MAST4: variants seen among roughly 807,000 people sequenced by gnomAD.
The protein encoded by MAST4 is microtubule associated serine/threonine kinase family member 4, also known as microtubule-associated serine/threonine-protein kinase 4.
A neutral mutation model predicts 162.7 loss-of-function variants in MAST4; 89 were observed. That is an observed-to-expected ratio of 0.55 (90% CI 0.46 to 0.65). MAST4 has a LOEUF of 0.65. Ranked by LOEUF, MAST4 falls within the 30% of genes least tolerant of loss-of-function variation. The pLI is 0.00. For missense variants in MAST4, 3,153 were observed against 3,374.0 expected (o/e 0.93, Z 1.62); for synonymous variants, 1,479 against 1,361.1 (o/e 1.09, Z -1.91).
At chr5:66,882,738 C>T (rs1325385041) in intron 3 of MAST4, among the ~76,000 whole-genome samples, 1 of 152,080 alleles carries the variant, frequency 6.6e-6, no homozygotes, top group Non-Finnish European at 1.5e-5. Context: ...CTTCTCTTGG[C>T]CATGGGTCAT....
chr5:66,914,240 A>G (rs943883317), intron 4 of MAST4, among the ~76,000 whole-genome samples: 3 of 152,238 alleles, frequency 2.0e-5, no homozygotes, highest in Non-Finnish European at 4.4e-5. Flanking sequence ...CTGAAATTCT[A>G]GTCTAAGAGA....
At chr5:66,654,197 G>A (rs78120411) in intron 1 of MAST4, among the ~76,000 whole-genome samples, 2,781 of 152,284 alleles carry the variant, frequency 0.018, 84 homozygotes, top group African/African-American at 0.062. Context: ...CTCCTCTGAG[G>A]AGTAATGTTT....
In MAST4 at chr5:67,104,361, T is replaced by TA. The variant is rs775155717; in HGVS notation, c.1147-4dup. 12 of 1,607,476 alleles carry TA rather than the reference T, an allele frequency of 7.5e-6. No homozygotes were observed. The African/African-American group carries it at 9.4e-5, about 13-fold the overall frequency. ...CATCTGTGTATGTGTGTCTTCTCTATATAGGCTACAGCTCAGATGGAAGAA... is the reference window on the plus strand; with the variant it reads ...CATCTGTGTATGTGTGTCTTCTCTATAATAGGCTACAGCTCAGATGGAAGAA... On this transcript the variant is annotated splice_polypyrimidine_tract_variant and splice_region_variant and intron_variant, in intron 9 of 28. Coordinates refer to ENST00000403625, the MANE Select transcript of MAST4 (RefSeq NM_001164664.2).
At chr5:66,694,569 C>G (rs1749272240) in intron 1 of MAST4, among the ~76,000 whole-genome samples, 1 of 152,126 alleles carries the variant, frequency 6.6e-6, no homozygotes, top group Non-Finnish European at 1.5e-5. Flanking sequence ...TCACTGCAAC[C>G]TCTACCTCCC....
chr5:66,936,765 AC>A (rs1417611882), intron 4 of MAST4, among the ~76,000 whole-genome samples: 2 of 152,232 alleles, frequency 1.3e-5, no homozygotes, highest in Admixed American at 6.5e-5. Context: ...TTGTAAATGC[AC>A]CTTAAACAAT....
At chr5:66,719,421 A>G (rs1751058570) in intron 1 of MAST4, among the ~76,000 whole-genome samples, 1 of 152,162 alleles carries the variant, frequency 6.6e-6, no homozygotes, top group African/African-American at 2.4e-5. Context: ...CTATTTGTAA[A>G]CTATCAGCTG....
chr5:66,953,401 A>AAT (rs903046663), intron 4 of MAST4, among the ~76,000 whole-genome samples: 10 of 152,252 alleles, frequency 6.6e-5, no homozygotes, highest in African/African-American at 2.4e-4. Context: ...CAGCCTATTT[A>AAT]ACTGTGCCCT....
At chr5:66,959,914 T>C (rs1745802970) in intron 4 of MAST4, among the ~76,000 whole-genome samples, 1 of 152,176 alleles carries the variant, frequency 6.6e-6, no homozygotes, top group South Asian at 2.1e-4. Flanking sequence ...GTGATGTAGC[T>C]ACATGAACAT....
intron 2 of MAST4, among the ~76,000 whole-genome samples, chr5:66,776,116 T>A (rs1486560444): frequency 6.6e-6 from 1 of 152,202 alleles, no homozygotes; most frequent in African/African-American, 2.4e-5. Context: ...TGTTAGGAAA[T>A]TTAGACTTGT....
At chr5:66,609,392 CT>C (rs373893029) in intron 1 of MAST4, among the ~76,000 whole-genome samples, 123 of 128,588 alleles carry the variant, frequency 9.6e-4, no homozygotes, top group African/African-American at 1.7e-3. Context: ...CAATGCACTA[CT>C]TTTTTTTTTT....
intron 1 of MAST4, among the ~76,000 whole-genome samples, chr5:66,623,822 T>C (rs1306957568): frequency 6.6e-6 from 1 of 152,192 alleles, no homozygotes; most frequent in African/African-American, 2.4e-5. Flanking sequence ...AGAGGCAAAA[T>C]TATCTGTTTG....
At chr5:66,819,539 G>A (rs1282426968) in intron 3 of MAST4, among the ~76,000 whole-genome samples, 1 of 152,148 alleles carries the variant, frequency 6.6e-6, no homozygotes, top group Non-Finnish European at 1.5e-5. Context: ...AAAGACACAG[G>A]TGTAAGAAAG....
chr5:67,070,037 G>A (rs768447752), intron 5 of MAST4, among the ~76,000 whole-genome samples: 13 of 151,888 alleles, frequency 8.6e-5, no homozygotes, highest in Admixed American at 7.2e-4. Flanking sequence ...TTCCTTGTGG[G>A]ATCAGTAATT....
Position 66,965,470 on chromosome 5 carries a change from T to G in MAST4, c.674+65488T>G, listed in dbSNP as rs527652503. On this transcript the variant is annotated intron_variant, in intron 4 of 28. Coordinates refer to ENST00000403625, the MANE Select transcript of MAST4 (RefSeq NM_001164664.2). ...AAAATTAGATTCAGTGCTAAGGTAG[T>G]GCAGAGGAGGATGAGGTTCTGAAGA... is the stretch of plus-strand genomic sequence containing the variant. 2.4e-4 allele frequency among the ~76,000 whole-genome samples: 36 copies of G among 151,474 alleles called. 2 individuals carry two copies. The South Asian group carries it at 7.3e-3, about 31-fold the overall frequency.
At chr5:66,714,156 A>C (rs4282272) in intron 1 of MAST4, among the ~76,000 whole-genome samples, 2 of 152,048 alleles carry the variant, frequency 1.3e-5, no homozygotes, top group Non-Finnish European at 2.9e-5. Flanking sequence ...CTGGCTACAC[A>C]GATGACTCAC....
intron 5 of MAST4, among the ~76,000 whole-genome samples, chr5:67,055,538 G>A (rs1379872489): frequency 1.3e-5 from 2 of 152,178 alleles, no homozygotes; most frequent in African/African-American, 4.8e-5. Context: ...GGGAGAAGAA[G>A]GGAGAGAAAA....
At chr5:66,599,471 T>C (rs1742417118) in intron 1 of MAST4, among the ~76,000 whole-genome samples, 1 of 152,230 alleles carries the variant, frequency 6.6e-6, no homozygotes, top group African/African-American at 2.4e-5. Context: ...CTTTCCTACC[T>C]TTAATGGGAA....
chr5:66,977,835 G>A (rs1025658380), intron 4 of MAST4, among the ~76,000 whole-genome samples: 1 of 152,236 alleles, frequency 6.6e-6, no homozygotes, highest in Non-Finnish European at 1.5e-5. Flanking sequence ...TCAGTTCTGT[G>A]TATAGGTTTG....
intron 5 of MAST4, among the ~76,000 whole-genome samples, chr5:67,056,509 C>G (rs1758845907): frequency 6.6e-6 from 1 of 152,182 alleles, no homozygotes; most frequent in Non-Finnish European, 1.5e-5. Context: ...GTTGATTCAT[C>G]TTTTATAGCT....
Sources: gnomAD v4.1 joint callset for allele counts (sites outside exome capture counted in the v4.1 genomes callset) on GRCh38, gnomAD v4.1.1 for gene constraint, MANE v1.5 for transcripts, NCBI Gene and HGNC (gene_info 2026-07-23, HGNC 2026-07-21) for gene names.